Variants in TYW1 observed in about 807,000 individuals in gnomAD.
The protein encoded by TYW1 is tRNA-yW synthesizing protein 1 homolog, also known as S-adenosyl-L-methionine-dependent tRNA 4-demethylwyosine synthase TYW1.
In TYW1, 46 loss-of-function variants were observed where a neutral mutation model predicts 96.2. The ratio of observed to expected loss-of-function variants is 0.48; its 90% confidence interval spans 0.38 to 0.61. The LOEUF is 0.61. TYW1 is among the 20% of genes least tolerant of loss of function. The pLI is 0.00. For synonymous variants in TYW1, 274 were observed against 323.0 expected, an observed-to-expected ratio of 0.85 and a Z score of 1.63; for missense variants, 684 against 909.6, an observed-to-expected ratio of 0.75 and a Z score of 3.19.
intron 12 of TYW1, among the ~76,000 whole-genome samples, chr7:67,100,020 A>C (rs1191228447): frequency 6.6e-6 from 1 of 152,054 alleles, no homozygotes; most frequent in Non-Finnish European, 1.5e-5. Flanking sequence ...AAAAGATGCT[A>C]TTGAAGGATT....
At chr7:67,093,932 T>G (rs1377991330) in intron 11 of TYW1, among the ~76,000 whole-genome samples, 1 of 152,214 alleles carries the variant, frequency 6.6e-6, no homozygotes, top group Non-Finnish European at 1.5e-5. Context: ...GGAATTAGGC[T>G]TCTTGCATAC....
At chr7:66,997,010 T>G (rs1486609072) in intron 1 of TYW1, 28 bp downstream of exon 1, 6 of 1,613,752 alleles carry the variant, frequency 3.7e-6, no homozygotes, top group Non-Finnish European at 5.1e-6. Flanking sequence ...GCAAGGACCC[T>G]GGGGCGGCAG....
chr7:67,174,670 A>G (rs1799615744), intron 13 of TYW1, among the ~76,000 whole-genome samples: 1 of 151,946 alleles, frequency 6.6e-6, no homozygotes, highest in Non-Finnish European at 1.5e-5. Context: ...AAATAAAAAG[A>G]GCAGAAATTA....
chr7:66,998,764 A>T (rs1222215245), intron 2 of TYW1, 53 bp from the exon 3 acceptor site: 3 of 1,601,350 alleles, frequency 1.9e-6, no homozygotes, highest in Non-Finnish European at 2.6e-6. Flanking sequence ...TCCCTGCTGA[A>T]GTTGGGAAAC....
chr7:67,165,436 G>A (rs4718466), intron 13 of TYW1, among the ~76,000 whole-genome samples: 39,113 of 146,512 alleles, frequency 0.27, 5,768 homozygotes, highest in African/African-American at 0.38. Context: ...GTGGATTTTT[G>A]TAATACTCAA....
At chr7:67,100,436 C>T (rs2711927) in intron 12 of TYW1, among the ~76,000 whole-genome samples, 5,101 of 149,462 alleles carry the variant, frequency 0.034, 258 homozygotes, top group African/African-American at 0.12. Context: ...TTTTGCCTGG[C>T]GCACTAAAGG....
chr7:67,166,031 G>C (rs1379318658), intron 13 of TYW1, among the ~76,000 whole-genome samples: 1 of 152,210 alleles, frequency 6.6e-6, no homozygotes, highest in East Asian at 1.9e-4. Context: ...CTTGAGGCCA[G>C]GAGTTTGAGA....
At chr7:67,075,829 A>T (rs1796184838) in intron 10 of TYW1, among the ~76,000 whole-genome samples, 2 of 152,236 alleles carry the variant, frequency 1.3e-5, no homozygotes, top group Admixed American at 6.5e-5. Flanking sequence ...AAAGTGAAGT[A>T]GAGGCTCCTC....
intron 12 of TYW1, among the ~76,000 whole-genome samples, chr7:67,110,022 G>A (rs1207323275): frequency 6.6e-6 from 1 of 152,112 alleles, no homozygotes; most frequent in Non-Finnish European, 1.5e-5. Context: ...GACTTGTATG[G>A]CAAACCTGGA....
intron 15 of TYW1, among the ~76,000 whole-genome samples, chr7:67,222,858 CT>C (rs1443806864): frequency 4.9e-5 from 5 of 101,546 alleles, no homozygotes; most frequent in African/African-American, 1.2e-4. Flanking sequence ...TCTCTGTTCG[CT>C]TTTTTTCTTT....
In TYW1 at chr7:67,014,371, C is replaced by T. The variant is rs1793934126; in HGVS notation, c.380C>T (p.Thr127Ile). 6.3e-7 allele frequency: 1 copy of T among 1,599,688 alleles called. No individual in the cohort carries two copies. Among genetic ancestry groups the T allele is most frequent in the Non-Finnish European group, 8.5e-7 (1 of 1,171,840 alleles). ...AACAATTACTTTCTTGGTTAGGTGA[C>T]TAGTAAAAATGTCTGTGTCTTCCTG... ...DPDDHLIEEV[T>I]SKNVCVFLVA... Residue 127 changes from threonine (T) to isoleucine (I), a missense_variant, in exon 5 of 16, where the codon ACT (threonine) becomes ATT (isoleucine). Transcript: ENST00000359626.
rs922053296 is a variant in TYW1, at chr7:67,238,157, C to G, written c.1978-151C>G. On this transcript the variant is annotated intron_variant, in intron 15 of 15. Transcript: ENST00000359626. ...GTTTGATAGGAAGTCATGTCTGGAA[C>G]ATGGAAGAGGTTTTTTTGTGTTTGT... The G allele has an allele frequency of 6.1e-5, 70 of 1,144,152 alleles. No homozygotes were observed. The Admixed American group carries it at 6.6e-4, about 11-fold the overall frequency. 70.9% of individuals were successfully genotyped at this position (1,144,152 alleles called of 1,614,324 possible).
intron 13 of TYW1, among the ~76,000 whole-genome samples, chr7:67,139,614 G>A (rs1798378668): frequency 6.6e-6 from 1 of 152,100 alleles, no homozygotes; most frequent in African/African-American, 2.4e-5. Context: ...TCTATTCAAG[G>A]TTCCCACATC....
At chr7:67,032,885 CTTTTTTTTTTTTTTTT>C (rs778743156) in intron 7 of TYW1, among the ~76,000 whole-genome samples, 1 of 76,256 alleles carries the variant, frequency 1.3e-5, no homozygotes, top group South Asian at 4.8e-4. Context: ...AGAAGTATAC[CTTTTTTTTTTTTTTTT>C]TTTTTTTTTT....
chr7:67,129,126 C>T (rs1584596938), intron 13 of TYW1, among the ~76,000 whole-genome samples: 1 of 152,246 alleles, frequency 6.6e-6, no homozygotes, highest in Non-Finnish European at 1.5e-5. Context: ...CATGGAAGGC[C>T]GGTGCTGGCT....
chr7:67,013,120 C>CCTT (rs778034934), intron 4 of TYW1, among the ~76,000 whole-genome samples: 29 of 141,572 alleles, frequency 2.0e-4, no homozygotes, highest in South Asian at 6.6e-4. Flanking sequence ...CTTTTCTTTT[C>CCTT]TTTTTTTTTT....
intron 4 of TYW1, among the ~76,000 whole-genome samples, chr7:67,010,106 C>G (rs1562963471): frequency 6.6e-6 from 1 of 151,698 alleles, no homozygotes; most frequent in Non-Finnish European, 1.5e-5. Flanking sequence ...CTCAGCCTCC[C>G]AAGTAGCTGG....
At chr7:67,223,448 G>C (rs1801460600) in intron 15 of TYW1, among the ~76,000 whole-genome samples, 1 of 152,008 alleles carries the variant, frequency 6.6e-6, no homozygotes, top group Non-Finnish European at 1.5e-5. Flanking sequence ...CTTTCCCTGG[G>C]CATCCATGGT....
At chr7:67,208,572 C>G (rs1800890484) in intron 15 of TYW1, among the ~76,000 whole-genome samples, 1 of 151,938 alleles carries the variant, frequency 6.6e-6, no homozygotes, top group African/African-American at 2.4e-5. Context: ...TGCCTGTAGT[C>G]CCAGCTATTC....
Sources: gnomAD v4.1 joint callset for allele counts (sites outside exome capture counted in the v4.1 genomes callset) on GRCh38, gnomAD v4.1.1 for gene constraint, MANE v1.5 for transcripts, NCBI Gene and HGNC (gene_info 2026-07-23, HGNC 2026-07-21) for gene names.